The following DDX60L variants were observed in gnomAD, a reference collection of about 807,000 sequenced individuals.
The protein encoded by DDX60L is DExD/H-box 60 like.
Under a neutral mutation model 211.6 loss-of-function variants are expected in DDX60L, and 191 were observed. The ratio of observed to expected loss-of-function variants is 0.90; its 90% CI spans 0.80 to 1.02. The LOEUF is 1.02. Ranked by LOEUF, DDX60L falls within the 50% of genes least tolerant of loss-of-function variation. The pLI, the probability that DDX60L is intolerant of heterozygous loss-of-function variation, is 0.00. For synonymous variants in DDX60L, 706 were observed against 694.1 expected, an observed-to-expected ratio of 1.02 and a Z score of -0.27; for missense variants, 2,007 against 1,984.1, an observed-to-expected ratio of 1.01 and a Z score of -0.22.
chr4:168,437,295 A>G (rs1753177214), intron 10 of DDX60L, among the ~76,000 whole-genome samples: 1 of 152,208 alleles, frequency 6.6e-6, no homozygotes, highest in African/African-American at 2.4e-5. Context: ...TCTTACAAGA[A>G]CAGAGAAACT....
intron 16 of DDX60L, 143 bp downstream of exon 16, chr4:168,422,381 T>C: frequency 1.3e-6 from 1 of 743,212 alleles, no homozygotes; most frequent in Non-Finnish European, 2.1e-6. Flanking sequence ...TTTCTCATAC[T>C]CTAGTTACAT....
chr4:168,471,921 T>C lies in DDX60L; in HGVS notation c.90A>G (p.Leu30=), dbSNP rs1485009290. Residue 30 remains leucine, a synonymous_variant, in exon 4 of 38, where the codon TTA becomes TTG. Coordinates refer to ENST00000682922, the MANE Select transcript of DDX60L (RefSeq NM_001012967.3). ...EMPKAGYSSI[L]NDFVESNFFV... ...AAAAATTAGATTCCACAAAATCATT[T>C]AATATGCTGGAATACCTAAAATAAA... The C allele has an allele frequency of 6.2e-7, 1 of 1,603,254 alleles. No individual in the cohort carries two copies. Among genetic ancestry groups the C allele is most frequent in the South Asian group, 1.1e-5 (1 of 89,320 alleles).
intron 19 of DDX60L, among the ~76,000 whole-genome samples, chr4:168,418,540 A>G (rs1469741121): frequency 1.3e-5 from 2 of 152,342 alleles, no homozygotes; most frequent in Non-Finnish European, 2.9e-5. Flanking sequence ...GAAACAGACT[A>G]CTTTCAGCAC....
At chr4:168,372,628 G>C (rs1330358775) in intron 35 of DDX60L, among the ~76,000 whole-genome samples, 1 of 151,988 alleles carries the variant, frequency 6.6e-6, no homozygotes, top group East Asian at 1.9e-4. Context: ...ATGGGAGACT[G>C]AGGTGGGAGG....
At chr4:168,390,139 T>C (rs1212681898) in intron 29 of DDX60L, 1 of 987,732 alleles carries the variant, frequency 1.0e-6, no homozygotes, top group Non-Finnish European at 1.2e-6. Context: ...TAGGAGATAA[T>C]GCTAAGTCAT....
At chr4:168,361,690 G>A (rs1739135060) in intron 36 of DDX60L, among the ~76,000 whole-genome samples, 1 of 152,164 alleles carries the variant, frequency 6.6e-6, no homozygotes, top group African/African-American at 2.4e-5. Context: ...AGAAATGACT[G>A]GGAGTCAGGG....
intron 1 of DDX60L, among the ~76,000 whole-genome samples, chr4:168,474,582 G>C (rs1044148237): frequency 6.6e-6 from 1 of 151,700 alleles, no homozygotes; most frequent in Non-Finnish European, 1.5e-5. Flanking sequence ...CTATTGAAAA[G>C]AAAAAAATAC....
intron 4 of DDX60L, 183 bp downstream of exon 4, chr4:168,471,564 A>C (rs1182040480): frequency 2.2e-6 from 1 of 462,924 alleles, no homozygotes; most frequent in South Asian, 5.0e-5. Context: ...AATTTAATAA[A>C]ATAAAAAATA....
At chr4:168,467,239 T>A (rs1469439203) in intron 4 of DDX60L, among the ~76,000 whole-genome samples, 6 of 151,990 alleles carry the variant, frequency 3.9e-5, no homozygotes, top group African/African-American at 1.4e-4. Flanking sequence ...CAAGACCCCA[T>A]CTTTATAAAA....
At position 168,430,488 on chromosome 4, in the gene DDX60L, T is replaced by C. The variant is rs1752180247; in HGVS notation, c.1667A>G (p.Glu556Gly). The C allele has an allele frequency of 6.3e-7, 1 of 1,591,564 alleles. No homozygotes were observed. Among genetic ancestry groups the C allele is most frequent in the Non-Finnish European group, 8.5e-7 (1 of 1,173,588 alleles). The change falls in exon 13 of 38, where the codon GAA (glutamate) becomes GGA (glycine). Residue 556 changes from glutamate (E) to glycine (G), a missense_variant. Transcript: ENST00000682922. ...ATCTTTGCGATCTACCTGTAATATT[T>C]CACCACTGGCACCACTGGAATCCTC... ...PKEDSSGASG[E>G]ILQNTKPHQI...
intron 17 of DDX60L, 39 bp downstream of exon 17, chr4:168,421,721 C>G: frequency 6.2e-7 from 1 of 1,608,804 alleles, no homozygotes; most frequent in Non-Finnish European, 8.5e-7. Flanking sequence ...AGGGGATGTT[C>G]AGGAACAAAA....
At position 168,420,486 on chromosome 4, in the gene DDX60L, ACACACACACACACACACACT is replaced by A. The variant is rs1391874056; in HGVS notation, c.2395-126_2395-107del. The A allele has an allele frequency of 7.4e-6, 4 of 540,226 alleles. No homozygotes were observed. In the African/African-American group the frequency reaches 8.2e-5, roughly 11 times the overall value. The allele number at this position is 540,226 out of a possible 1,614,324, so 33.5% of individuals were successfully genotyped here. A position where few individuals can be genotyped will look rare whatever the true frequency, so the allele number is the denominator to read the frequency against. ...CATACACACACACACACACACACAC[ACACACACACACACACACACT>A]TCAATGAAAATGAAATGAAGTAGGG... On this transcript the variant is annotated intron_variant, in intron 17 of 37. Transcript: ENST00000682922.
intron 3 of DDX60L, 80 bp from the exon 4 acceptor site, chr4:168,472,016 T>A (rs1416059888): frequency 4.2e-6 from 5 of 1,201,900 alleles, no homozygotes; most frequent in Non-Finnish European, 5.9e-6. Flanking sequence ...TATTATTGCA[T>A]AAGCTACTGT....
rs1353850676 is a variant in DDX60L at position 168,400,045 on chromosome 4, T to C, written c.3491+781A>G. ...CTCCACCCTCGGATAGGCCCCAGTG[T>C]GTGTTGTTCCCCTCTATGTGTCCAT... On this transcript the variant is annotated intron_variant, in intron 26 of 37. Coordinates refer to ENST00000682922, the MANE Select transcript of DDX60L (RefSeq NM_001012967.3). Among the ~76,000 whole-genome samples the C allele has an allele frequency of 2.6e-5, 4 of 152,214 alleles. No individual in the cohort carries two copies. In the South Asian group the frequency reaches 6.2e-4, roughly 24 times the overall value.
At position 168,423,692 on chromosome 4, in the gene DDX60L, C is replaced by T; in HGVS notation, c.2013G>A (p.Leu671=). The change falls in exon 15 of 38, where the codon TTG becomes TTA. Residue 671 remains leucine, a synonymous_variant. Transcript: ENST00000682922. ...CTATATATTGATGATGTTCTGCTTC[C>T]AAAATTTCTGGGTATCTCTCCAGGA... ...HSLLERYPEI[L]EAEHHQYIAK... 3 of 1,607,382 alleles carry T rather than the reference C, an allele frequency of 1.9e-6. No individual in the cohort carries two copies. Among genetic ancestry groups the T allele is most frequent in the Non-Finnish European group, 2.5e-6 (3 of 1,176,954 alleles).
At position 168,461,974 on chromosome 4, in the gene DDX60L, G is replaced by A; in HGVS notation, c.331C>T (p.Leu111Phe). 6.2e-7 allele frequency: 1 copy of A among 1,613,408 alleles called. No individual in the cohort carries two copies. The highest frequency in any genetic ancestry group is 8.5e-7 in the Non-Finnish European group (1 of 1,179,656). Residue 111 changes from leucine (L) to phenylalanine (F), a missense_variant, in exon 5 of 38, where the codon CTT becomes TTT. Physicochemically the swap from Leu to Phe is conservative, Grantham distance 22. Coordinates refer to ENST00000682922, the MANE Select transcript of DDX60L (RefSeq NM_001012967.3). ...LSLRTALILHLQHNTNIDVQT... is the reference protein window; with the variant it reads ...LSLRTALILHFQHNTNIDVQT... ...ACATCAATGTTAGTATTGTGTTGAA[G>A]GTGGAGAATTAAAGCGGTCCTCAAT...
chr4:168,409,212 T>C (rs1748261395), intron 22 of DDX60L, among the ~76,000 whole-genome samples: 1 of 152,178 alleles, frequency 6.6e-6, no homozygotes, highest in Non-Finnish European at 1.5e-5. Context: ...CTGAGAAGAT[T>C]CATACAACAG....
chr4:168,406,675 G>A lies in DDX60L; in HGVS notation c.3011C>T (p.Thr1004Ile), dbSNP rs771930457. 7 of 1,605,116 alleles carry A rather than the reference G, an allele frequency of 4.4e-6. No individual in the cohort carries two copies. The Admixed American group carries it at 5.1e-5, about 12-fold the overall frequency. ...CTGGATGCTTTCTTGAGGGGTGAGG[G>A]TAAGATCAGGTGGGAATCCATACTT... The part of the protein sequence containing the change: ...IEKYGFPPDL[T>I]LTPQESIQLY... The change falls in exon 23 of 38, where the codon ACC becomes ATC. Residue 1004 changes from threonine to isoleucine, a missense_variant. By Grantham distance (89) the Thr-to-Ile change is moderately conservative (BLOSUM62 -1). Coordinates refer to ENST00000682922, the MANE Select transcript of DDX60L (RefSeq NM_001012967.3).
At chr4:168,377,875 G>A (rs12648218) in intron 33 of DDX60L, 53,654 of 151,984 alleles carry the variant, frequency 0.35, 9,841 homozygotes, top group African/African-American at 0.45. Context: ...GAAACAAACA[G>A]TGTTACAAAA....
Sources: allele counts gnomAD v4.1 joint callset (sites outside exome capture counted in the v4.1 genomes callset), GRCh38; gene constraint gnomAD v4.1.1; transcripts MANE v1.5; gene names NCBI Gene and HGNC (gene_info 2026-07-23, HGNC 2026-07-21).